Variants in DNAH17 observed in about 807,000 individuals in gnomAD.
DNAH17 encodes dynein axonemal heavy chain 17.
A neutral mutation model predicts 485.6 loss-of-function variants in DNAH17; 376 were observed. That is an observed-to-expected ratio of 0.77 (90% CI 0.71 to 0.84). DNAH17 has a LOEUF of 0.84. DNAH17 is among the 40% of genes least tolerant of loss of function. The pLI is 0.00. For synonymous variants in DNAH17, 3,031 were observed against 2,405.9 expected, an observed-to-expected ratio of 1.26 and a Z score of -7.60; for missense variants, 6,370 against 5,839.3, an observed-to-expected ratio of 1.09 and a Z score of -2.96.
intron 20 of DNAH17, among the ~76,000 whole-genome samples, chr17:78,530,973 G>A (rs969405000): frequency 1.3e-5 from 2 of 152,202 alleles, no homozygotes; most frequent in African/African-American, 4.8e-5. Context: ...AACAGAGCTA[G>A]AGGTTTGTGC....
At chr17:78,445,720 T>C in intron 69 of DNAH17, 40 bp from the exon 70 acceptor site, 1 of 1,575,412 alleles carries the variant, frequency 6.3e-7, no homozygotes, top group Non-Finnish European at 8.6e-7. Context: ...ACGCAGCCAG[T>C]AAAACGTCAG....
intron 40 of DNAH17, 29 bp downstream of exon 40, chr17:78,494,564 G>A (rs560108131): frequency 1.9e-5 from 30 of 1,609,054 alleles, no homozygotes; most frequent in African/African-American, 1.1e-4. Context: ...AGGCTTCTCC[G>A]GACAGACCTG....
Position 78,512,749 on chromosome 17 carries a change from T to C in DNAH17, c.4113+2025A>G, listed in dbSNP as rs139839314. Among the ~76,000 whole-genome samples, 3 of 152,082 alleles carry C rather than the reference T, an allele frequency of 2.0e-5. 1 individual carries two copies. In the East Asian group the frequency reaches 5.8e-4, roughly 30 times the overall value. ...CTGAGGTCAGGAGTTTGAGACCAGC[T>C]TGGCCAAGGTGAAACCCTGTCTCTA... On this transcript the variant is annotated intron_variant, in intron 26 of 80. Transcript: ENST00000389840.
chr17:78,464,206 G>A (rs2088296733), intron 56 of DNAH17, among the ~76,000 whole-genome samples: 1 of 152,180 alleles, frequency 6.6e-6, no homozygotes, highest in African/African-American at 2.4e-5. Context: ...AGGGTTTATG[G>A]GTAATTTCCA....
rs775182358 is a variant in DNAH17 at position 78,561,949 on chromosome 17, C to T, written c.1601G>A (p.Arg534Gln). Residue 534 changes from arginine to glutamine, a missense_variant, in exon 12 of 81, where the codon CGG (arginine) becomes CAG (glutamine). Transcript: ENST00000389840. Reference protein sequence around the residue: ...LLYMCGGLMERPLILAEVAPR... With the variant: ...LLYMCGGLMEQPLILAEVAPR... ...CGCCACCTCGGCAAGAATCAGGGGCCGCTCCATGAGGCCCCCACACATGTA... is the reference window on the plus strand; with the variant it reads ...CGCCACCTCGGCAAGAATCAGGGGCTGCTCCATGAGGCCCCCACACATGTA... 12 of 1,611,580 alleles carry T rather than the reference C, an allele frequency of 7.4e-6. No homozygotes were observed. Among genetic ancestry groups the T allele is most frequent in the South Asian group, 3.3e-5 (3 of 90,830 alleles).
chr17:78,449,619 C>T, intron 68 of DNAH17, 35 bp from the exon 69 acceptor site: 3 of 1,571,366 alleles, frequency 1.9e-6, no homozygotes, highest in South Asian at 2.3e-5. Flanking sequence ...TGGAGGCGTG[C>T]AGAGATGGAG....
intron 19 of DNAH17, among the ~76,000 whole-genome samples, chr17:78,535,181 G>C (rs1298317198): frequency 6.6e-6 from 1 of 152,204 alleles, no homozygotes; most frequent in East Asian, 1.9e-4. Flanking sequence ...GCAACCGTGG[G>C]TGCCCAAGAG....
chr17:78,573,896 G>C (rs913608326), intron 2 of DNAH17, among the ~76,000 whole-genome samples: 2 of 152,080 alleles, frequency 1.3e-5, no homozygotes, highest in Admixed American at 6.5e-5. Flanking sequence ...GAAGGATAAG[G>C]CACCCCCATT....
intron 30 of DNAH17, among the ~76,000 whole-genome samples, 183 bp downstream of exon 30, chr17:78,506,537 T>G (rs1446228469): frequency 6.6e-6 from 1 of 152,098 alleles, no homozygotes; most frequent in African/African-American, 2.4e-5. Flanking sequence ...GTGAGGCGAG[T>G]CCTGCCACGT....
chr17:78,571,723 C>T lies in DNAH17; in HGVS notation c.599G>A (p.Trp200Ter). The T allele has an allele frequency of 6.2e-7, 1 of 1,613,184 alleles. No homozygotes were observed. Among genetic ancestry groups the T allele is most frequent in the Non-Finnish European group, 8.5e-7 (1 of 1,179,422 alleles). The change falls in exon 4 of 81, where the codon TGG becomes TAG. Residue 200 changes from tryptophan to a stop codon, truncating the protein, a stop_gained. Coordinates refer to ENST00000389840, the MANE Select transcript of DNAH17 (RefSeq NM_173628.4). LOFTEE classifies it high-confidence loss of function. ...CAGCACATCCCGGATCTGGTGGGAC[C>T]AGTCGATGATGGTGGTTTCAATGGC... Reference protein sequence around the residue: ...LHAIETTIIDWSHQIRDVLSK... With the variant: ...LHAIETTIID
chr17:78,453,868 GTTTGTTT>G (rs929500007), intron 64 of DNAH17, among the ~76,000 whole-genome samples: 26 of 151,866 alleles, frequency 1.7e-4, no homozygotes, highest in Non-Finnish European at 2.2e-4. Context: ...TTTTTTGTTT[GTTTGTTT>G]TTTGTTTTTT....
intron 20 of DNAH17, among the ~76,000 whole-genome samples, chr17:78,532,067 C>T (rs887476620): frequency 1.3e-5 from 2 of 152,236 alleles, no homozygotes; most frequent in African/African-American, 2.4e-5. Context: ...TGGGCTGCTA[C>T]CCACTAGCCC....
intron 44 of DNAH17, among the ~76,000 whole-genome samples, chr17:78,487,855 G>A (rs898049060): frequency 5.3e-5 from 8 of 152,118 alleles, no homozygotes; most frequent in Non-Finnish European, 1.2e-4. Context: ...GTGTGCTCTG[G>A]GGGAGCTCCG....
intron 44 of DNAH17, among the ~76,000 whole-genome samples, chr17:78,490,328 G>C (rs893150287): frequency 2.0e-5 from 3 of 152,196 alleles, no homozygotes; most frequent in Non-Finnish European, 4.4e-5. Flanking sequence ...GCGGGTTCTT[G>C]TCTGGTGTGC....
At chr17:78,460,583 G>T (rs773813784) in intron 58 of DNAH17, among the ~76,000 whole-genome samples, 11 of 152,188 alleles carry the variant, frequency 7.2e-5, no homozygotes, top group Admixed American at 1.3e-4. Context: ...CTGTGTGTGT[G>T]CTTGGCCCCT....
intron 79 of DNAH17, among the ~76,000 whole-genome samples, 184 bp from the exon 80 acceptor site, chr17:78,425,755 G>GTTT (rs1568032936): frequency 5.7e-5 from 5 of 88,314 alleles, no homozygotes; most frequent in African/African-American, 2.1e-4. Context: ...TTTGGTGTCT[G>GTTT]CTTTTTTTTT....
intron 37 of DNAH17, among the ~76,000 whole-genome samples, chr17:78,497,383 C>T (rs997341480): frequency 1.3e-5 from 2 of 152,206 alleles, no homozygotes; most frequent in Non-Finnish European, 2.9e-5. Flanking sequence ...CACCCCCATG[C>T]CCAGTCTGCT....
rs566375123 is a variant in DNAH17 at position 78,501,359 on chromosome 17, G to A, written c.5323-15C>T. On this transcript the variant is annotated splice_polypyrimidine_tract_variant and intron_variant, in intron 34 of 80. Transcript: ENST00000389840. ...GAACTCTCCACCTGCAGGATGAGCCGGAGCTCTTGTTGCCAGGTGGAATAC... is the reference window on the plus strand; with the variant it reads ...GAACTCTCCACCTGCAGGATGAGCCAGAGCTCTTGTTGCCAGGTGGAATAC... 2.9e-5 allele frequency: 46 copies of A among 1,576,914 alleles called. No homozygotes were observed. The highest frequency in any genetic ancestry group is 1.2e-4 in the Admixed American group (7 of 58,870).
intron 78 of DNAH17, 42 bp downstream of exon 78, chr17:78,426,883 AC>A: frequency 6.4e-7 from 1 of 1,561,922 alleles, no homozygotes; most frequent in Non-Finnish European, 8.7e-7. Context: ...TGCTGGTTTC[AC>A]CATCCAGCCA....
Sources: allele counts gnomAD v4.1 joint callset (sites outside exome capture counted in the v4.1 genomes callset), GRCh38; gene constraint gnomAD v4.1.1; transcripts MANE v1.5; gene names NCBI Gene and HGNC (gene_info 2026-07-23, HGNC 2026-07-21).